Variants in PDE1C observed in about 807,000 individuals in gnomAD.
PDE1C encodes phosphodiesterase 1C, also known as dual specificity calcium/calmodulin-dependent 3',5'-cyclic nucleotide phosphodiesterase 1C.
In PDE1C, 62 loss-of-function variants were observed where a neutral mutation model predicts 93.1. The observed-to-expected ratio is 0.67, with a 90% CI of 0.54 to 0.82. The LOEUF (loss-of-function observed/expected upper bound fraction) is 0.82. Ranked by LOEUF, PDE1C falls within the 40% of genes least tolerant of loss-of-function variation. PDE1C has a pLI of 0.00. For synonymous variants in PDE1C, 325 were observed against 310.1 expected (o/e 1.05, Z -0.50); for missense variants, 742 against 884.6 (o/e 0.84, Z 2.04).
chr7:32,121,414 A>G (rs1799293132), intron 3 of PDE1C, among the ~76,000 whole-genome samples: 1 of 152,080 alleles, frequency 6.6e-6, no homozygotes, highest in Non-Finnish European at 1.5e-5. Flanking sequence ...GATCAACCCC[A>G]AGACACATAA....
upstream of PDE1C, chr7:32,299,354 T>G: frequency 1.0e-6 from 1 of 985,796 alleles, no homozygotes; most frequent in Non-Finnish European, 1.2e-6. Flanking sequence ...GCCCACTTCC[T>G]TCTAGCCACT....
intron 15 of PDE1C, among the ~76,000 whole-genome samples, chr7:31,814,313 C>CT (rs573045481): frequency 3.9e-4 from 59 of 151,956 alleles, no homozygotes; most frequent in African/African-American, 1.3e-3. Context: ...TTCTTTATAA[C>CT]TTTTTTTTCC....
In PDE1C at chr7:32,081,792, T is replaced by C. The variant is rs150279036; in HGVS notation, c.308+87993A>G. ...GGATTTATTGATAGAGGGCTGGTCATTGACTGCTGGTAACCTCAGGAGATT... is the reference window on the plus strand; with the variant it reads ...GGATTTATTGATAGAGGGCTGGTCACTGACTGCTGGTAACCTCAGGAGATT... On this transcript the variant is annotated intron_variant, in intron 3 of 18. Transcript: ENST00000396193. Among the ~76,000 whole-genome samples the C allele has an allele frequency of 1.3e-3, 195 of 152,148 alleles. 1 individual carries two copies. The highest frequency in any genetic ancestry group is 4.0e-3 in the African/African-American group (166 of 41,444).
chr7:32,008,999 G>C (rs1474367650), intron 2 of PDE1C, among the ~76,000 whole-genome samples: 1 of 152,060 alleles, frequency 6.6e-6, no homozygotes. Context: ...CCAAGATACA[G>C]AATAATGCAA....
At chr7:32,413,401 G>T (rs1785212778) in intron 1 of PDE1C, among the ~76,000 whole-genome samples, 1 of 152,176 alleles carries the variant, frequency 6.6e-6, no homozygotes, top group South Asian at 2.1e-4. Flanking sequence ...AACACTGGAA[G>T]AAAAATCCTA....
chr7:32,209,466 G>A, intron 2 of PDE1C: 1 of 1,559,100 alleles, frequency 6.4e-7, no homozygotes, highest in Non-Finnish European at 8.7e-7. Flanking sequence ...GACCAGGAAA[G>A]GAGTGAAACA....
intron 3 of PDE1C, among the ~76,000 whole-genome samples, chr7:32,083,122 G>A (rs1469862989): frequency 6.6e-6 from 1 of 152,052 alleles, no homozygotes; most frequent in African/African-American, 2.4e-5. Flanking sequence ...TTAGACGAAT[G>A]TATAACTAGA....
chr7:32,048,712 A>G (rs1292896022), intron 2 of PDE1C, among the ~76,000 whole-genome samples: 1 of 152,212 alleles, frequency 6.6e-6, no homozygotes, highest in Non-Finnish European at 1.5e-5. Context: ...AGTTATTTTA[A>G]GCCACTAAGT....
chr7:32,279,589 T>C (rs1811496862), intron 1 of PDE1C, among the ~76,000 whole-genome samples: 1 of 152,128 alleles, frequency 6.6e-6, no homozygotes, highest in Non-Finnish European at 1.5e-5. Flanking sequence ...CATAAATATG[T>C]ACTATTATTT....
Position 32,209,745 on chromosome 7 carries a change from T to C in PDE1C, c.86-206A>G, listed in dbSNP as rs75796499. ...AAATGAAGTCAAATGTCTCAATCAT[T>C]TTGATTAGAATATTTGGATGAAGCT... On this transcript the variant is annotated intron_variant, in intron 1 of 18. Transcript: ENST00000396193. 7.0e-3 allele frequency among the ~76,000 whole-genome samples: 1,063 copies of C among 152,244 alleles called. 12 individuals are homozygous for C. Among genetic ancestry groups the C allele is most frequent in the African/African-American group, 0.024 (1,016 of 41,532 alleles).
Position 32,049,713 on chromosome 7 carries a change from T to C in PDE1C, c.128+1841A>G, listed in dbSNP as rs185887641. On this transcript the variant is annotated intron_variant, in intron 2 of 17. Coordinates refer to ENST00000396191, the MANE Select transcript of PDE1C (RefSeq NM_001191057.4). The stretch of plus-strand genomic sequence containing the variant: ...AATGATTTTTTTAATCTGCATGTAA[T>C]CTGTTTAATTCCATAACACCCAAGT... Among the ~76,000 whole-genome samples the C allele has an allele frequency of 1.8e-4, 27 of 152,292 alleles. No individual in the cohort carries two copies. In the East Asian group the frequency reaches 5.0e-3, roughly 28 times the overall value.
intron 2 of PDE1C, among the ~76,000 whole-genome samples, chr7:31,967,624 T>C (rs1810227511): frequency 1.3e-5 from 2 of 152,162 alleles, no homozygotes; most frequent in African/African-American, 2.4e-5. Context: ...GCCAGCATCA[T>C]CCTGATACCA....
chr7:32,181,898 G>A (rs1471636044), intron 2 of PDE1C, among the ~76,000 whole-genome samples: 3 of 152,052 alleles, frequency 2.0e-5, no homozygotes, highest in Admixed American at 6.5e-5. Flanking sequence ...TTGATAGACC[G>A]CTAGCAAGAC....
chr7:32,070,451 C>T (rs1795910113), upstream of PDE1C: 8 of 1,597,042 alleles, frequency 5.0e-6, no homozygotes, highest in South Asian at 7.9e-5. Context: ...TGTCCCCTCC[C>T]CGTCTCCTCG....
rs552754162 is a variant in PDE1C, at chr7:31,927,366, C to T, written c.129-46506G>A. 1.5e-4 allele frequency among the ~76,000 whole-genome samples: 23 copies of T among 152,192 alleles called. No individual in the cohort carries two copies. The South Asian group carries it at 3.7e-3, about 25-fold the overall frequency. On this transcript the variant is annotated intron_variant, in intron 2 of 17. Coordinates refer to ENST00000396191, the MANE Select transcript of PDE1C (RefSeq NM_001191057.4). ...TTGGGGGTAGGGGCAGTTGTGGGTG[C>T]GGCTTTTAGTGGACTTAATGTTCCT...
At chr7:31,683,763 T>C in the PDE1C span, among the ~76,000 whole-genome samples, 1 of 152,232 alleles carries the variant, frequency 6.6e-6, no homozygotes, top group African/African-American at 2.4e-5. Flanking sequence ...GGCAAATCTT[T>C]TAAGAGAACA....
At chr7:31,655,578 C>T in the PDE1C span, among the ~76,000 whole-genome samples, 1 of 152,168 alleles carries the variant, frequency 6.6e-6, no homozygotes, top group South Asian at 2.1e-4. Context: ...CCCAGAGCAG[C>T]CTTCCACCAG....
chr7:31,757,488 C>T (rs1483225614), intron 17 of PDE1C, among the ~76,000 whole-genome samples: 2 of 152,154 alleles, frequency 1.3e-5, no homozygotes, highest in African/African-American at 2.4e-5. Flanking sequence ...TCACCTTGGA[C>T]CTTAGTACTA....
intron 2 of PDE1C, among the ~76,000 whole-genome samples, chr7:31,886,414 G>C (rs1032934837): frequency 6.6e-6 from 1 of 152,176 alleles, no homozygotes; most frequent in African/African-American, 2.4e-5. Context: ...ATTAATGACA[G>C]CTGATTAAGA....
Sources: allele counts gnomAD v4.1 joint callset (sites outside exome capture counted in the v4.1 genomes callset), GRCh38; gene constraint gnomAD v4.1.1; transcripts MANE v1.5; gene names NCBI Gene and HGNC (gene_info 2026-07-23, HGNC 2026-07-21).